PFKFB3: variants seen among roughly 807,000 people sequenced by gnomAD.
PFKFB3 encodes the protein 6-phosphofructo-2-kinase/fructose-2,6-biphosphatase 3, also known as 6-phosphofructo-2-kinase/fructose-2,6-bisphosphatase 3.
PFKFB3 carries 33 observed loss-of-function variants against 68.0 expected under a neutral mutation model. That is an observed-to-expected ratio of 0.49 (90% CI 0.37 to 0.65). PFKFB3 has a LOEUF of 0.65. Ranked by LOEUF, PFKFB3 falls within the 30% of genes least tolerant of loss-of-function variation. The pLI is 0.00. For missense variants in PFKFB3, 586 were observed against 712.2 expected (o/e 0.82, Z 2.02); for synonymous variants, 315 against 288.2 (o/e 1.09, Z -0.94).
the PFKFB3 span, chr10:6,293,410 A>G: frequency 4.5e-6 from 1 of 222,462 alleles, no homozygotes; most frequent in African/African-American, 2.4e-5. Context: ...GAGTGGTGCA[A>G]TCTCGGCTCA....
intron 1 of PFKFB3, among the ~76,000 whole-genome samples, chr10:6,171,400 C>CTT (rs76434176): frequency 7.1e-6 from 1 of 141,620 alleles, no homozygotes; most frequent in Non-Finnish European, 1.6e-5. Flanking sequence ...TTCTTTCTTT[C>CTT]TTTTTTTTTT....
chr10:6,315,847 A>G, the PFKFB3 span, among the ~76,000 whole-genome samples: 1 of 152,236 alleles, frequency 6.6e-6, no homozygotes, highest in African/African-American at 2.4e-5. Flanking sequence ...AGGTGATACT[A>G]CATAATACAT....
chr10:6,204,391 G>A (rs1843552435), intron 1 of PFKFB3, among the ~76,000 whole-genome samples: 1 of 152,244 alleles, frequency 6.6e-6, no homozygotes, highest in Non-Finnish European at 1.5e-5. Context: ...CTGAGCGCAG[G>A]CGGCTGGCAG....
intron 14 of PFKFB3, among the ~76,000 whole-genome samples, chr10:6,246,784 C>T (rs769449404): frequency 6.6e-6 from 1 of 152,054 alleles, no homozygotes; most frequent in Non-Finnish European, 1.5e-5. Flanking sequence ...GAACTAAGTA[C>T]CCTTGATTCC....
the PFKFB3 span, among the ~76,000 whole-genome samples, chr10:6,299,165 A>C: frequency 2.0e-5 from 3 of 151,602 alleles, no homozygotes; most frequent in African/African-American, 7.3e-5. Flanking sequence ...TTAATGGCTC[A>C]CTCTCCTAGG....
chr10:6,296,794 G>A, the PFKFB3 span, among the ~76,000 whole-genome samples: 1 of 152,288 alleles, frequency 6.6e-6, no homozygotes, highest in South Asian at 2.1e-4. Flanking sequence ...CTTGGTTTTG[G>A]TGGGCTTTGG....
chr10:6,255,219 G>C (rs1404330713), downstream of PFKFB3, among the ~76,000 whole-genome samples: 1 of 151,840 alleles, frequency 6.6e-6, no homozygotes, highest in African/African-American at 2.4e-5. Context: ...CTGCCTCCCG[G>C]TTTCAAGTGA....
intron 14 of PFKFB3, chr10:6,231,297 C>G (rs543235818): frequency 1.6e-4 from 261 of 1,612,264 alleles, no homozygotes; most frequent in Non-Finnish European, 2.1e-4. Context: ...AAAGTTTTCT[C>G]CTTACTAACT....
At chr10:6,311,435 C>T in the PFKFB3 span, among the ~76,000 whole-genome samples, 1 of 152,128 alleles carries the variant, frequency 6.6e-6, no homozygotes, top group Non-Finnish European at 1.5e-5. Context: ...GACCTACCAG[C>T]AAGCCACTAC....
the PFKFB3 span, among the ~76,000 whole-genome samples, chr10:6,287,279 G>A: frequency 2.6e-5 from 4 of 151,918 alleles, no homozygotes; most frequent in African/African-American, 4.8e-5. Context: ...TAGTAGAGAC[G>A]GGGTTTCACC....
rs1000218051 is a variant in PFKFB3 at position 6,229,255 on chromosome 10, C to T, written c.1515+2890C>T. Reference sequence around the variant, plus strand: ...GATGTACCAGTGTCCTCCATGTCCACGTTCCTTAAGACCACCCTGGGAGGT... The same window carrying T: ...GATGTACCAGTGTCCTCCATGTCCATGTTCCTTAAGACCACCCTGGGAGGT... On this transcript the variant is annotated intron_variant, in intron 14 of 14. Coordinates refer to ENST00000379775, the MANE Select transcript of PFKFB3 (RefSeq NM_004566.4). This position sits in a 1 kb window ranked among gnomAD's most constrained non-coding sequence, Gnocchi z 4.3. The T allele has an allele frequency of 5.8e-5, 27 of 465,694 alleles. No individual in the cohort carries two copies. The highest frequency in any genetic ancestry group is 4.2e-4 in the African/African-American group (21 of 50,132). 28.8% of individuals were successfully genotyped at this position (465,694 alleles called of 1,614,324 possible). A position where few individuals can be genotyped will look rare whatever the true frequency, so the allele number is the denominator to read the frequency against.
At chr10:6,201,750 C>T (rs926462846), upstream of PFKFB3, among the ~76,000 whole-genome samples, 1 of 152,150 alleles carries the variant, frequency 6.6e-6, no homozygotes, top group Non-Finnish European at 1.5e-5. This position sits in a 1 kb window ranked among gnomAD's most constrained non-coding sequence, Gnocchi z 4.1. Context: ...GCTAAGTGTG[C>T]ACCTCTCTGC....
At chr10:6,281,711 A>G in the PFKFB3 span, among the ~76,000 whole-genome samples, 5 of 152,100 alleles carry the variant, frequency 3.3e-5, no homozygotes, top group African/African-American at 1.2e-4. Context: ...ACTTTGAGGT[A>G]TTAACTAAAG....
chr10:6,257,136 T>A (rs1846501985), downstream of PFKFB3, among the ~76,000 whole-genome samples: 1 of 152,188 alleles, frequency 6.6e-6, no homozygotes, highest in Non-Finnish European at 1.5e-5. Context: ...CAATTTCATC[T>A]TTAGTTGGGG....
Position 6,202,946 on chromosome 10 carries a change from G to C in PFKFB3, c.-315G>C, listed in dbSNP as rs1433626324. On this transcript the variant is annotated 5_prime_UTR_variant, in exon 1 of 15. Transcript: ENST00000379775. ...CGGGGCATCCCAGCCAAGCCGGAGA[G>C]GAGGCGAGCAGCAGGGCCTGGTGGC... The C allele has an allele frequency of 8.0e-7, 1 of 1,249,666 alleles. No homozygotes were observed. The highest frequency in any genetic ancestry group is 1.0e-6 in the Non-Finnish European group (1 of 993,914). The allele number at this position is 1,249,666 out of a possible 1,614,324, so 77.4% of individuals were successfully genotyped here. A position where few individuals can be genotyped will look rare whatever the true frequency, so the allele number is the denominator to read the frequency against.
At chr10:6,321,875 C>G in the PFKFB3 span, among the ~76,000 whole-genome samples, 9 of 152,228 alleles carry the variant, frequency 5.9e-5, no homozygotes, top group Non-Finnish European at 1.3e-4. Flanking sequence ...GCTCCTTCTC[C>G]TTTGCCGATT....
intron 14 of PFKFB3, among the ~76,000 whole-genome samples, chr10:6,230,887 T>A (rs1020137971): frequency 1.6e-4 from 25 of 152,228 alleles, no homozygotes; most frequent in Non-Finnish European, 8.8e-5. Context: ...GGCTAATGTT[T>A]GTATTTTTAG....
chr10:6,186,333 C>T lies in PFKFB3; in HGVS notation c.17-27290C>T, dbSNP rs557986497. ...CATCCTCAGCAAAGGGGTAGATGGG[C>T]CCAGTGATGACTCATTCCTGTGGAT... On this transcript the variant is annotated intron_variant, in intron 1 of 14. Coordinates refer to the PFKFB3 transcript ENST00000379789. Among the ~76,000 whole-genome samples the T allele has an allele frequency of 3.3e-5, 5 of 152,162 alleles. No homozygotes were observed. The South Asian group carries it at 1.0e-3, about 32-fold the overall frequency.
the PFKFB3 span, among the ~76,000 whole-genome samples, chr10:6,306,268 A>T: frequency 6.6e-6 from 1 of 152,238 alleles, no homozygotes; most frequent in South Asian, 2.1e-4. Context: ...TGATGATTCT[A>T]GGCTTTGTCT....
Sources: allele counts gnomAD v4.1 joint callset (sites outside exome capture counted in the v4.1 genomes callset), GRCh38; gene constraint gnomAD v4.1.1; non-coding constraint Gnocchi (gnomAD v3.1); transcripts MANE v1.5; gene names NCBI Gene and HGNC (gene_info 2026-07-23, HGNC 2026-07-21).